RAB3IP: variants seen among roughly 807,000 people sequenced by gnomAD.
RAB3IP encodes the protein RAB3A interacting protein, also known as rab-3A-interacting protein.
A neutral mutation model predicts 59.1 loss-of-function variants in RAB3IP; 36 were observed. The ratio of observed to expected loss-of-function variants is 0.61; its 90% confidence interval spans 0.47 to 0.80. RAB3IP has a LOEUF of 0.80. RAB3IP is among the 30% of genes least tolerant of loss of function. RAB3IP has a pLI of 0.00. For missense variants in RAB3IP, 511 were observed against 536.0 expected (o/e 0.95, Z 0.46); for synonymous variants, 207 against 191.2 (o/e 1.08, Z -0.68).
At chr12:69,767,450 G>A (rs957366326) in intron 3 of RAB3IP, among the ~76,000 whole-genome samples, 2 of 152,346 alleles carry the variant, frequency 1.3e-5, no homozygotes, top group South Asian at 2.1e-4. Context: ...TGGTGAGAAC[G>A]ACTGGGCAAA....
intron 8 of RAB3IP, among the ~76,000 whole-genome samples, chr12:69,802,727 T>C (rs78217109): frequency 1.6e-3 from 250 of 152,330 alleles, no homozygotes; most frequent in African/African-American, 5.8e-3. Flanking sequence ...AATAGGTCTG[T>C]GTTAAAGCTG....
At chr12:69,750,561 T>C in intron 1 of RAB3IP, among the ~76,000 whole-genome samples, 1 of 151,486 alleles carries the variant, frequency 6.6e-6, no homozygotes, top group East Asian at 1.9e-4. Flanking sequence ...TTTTTTTTTT[T>C]TTACAGTTTA....
rs759501681 is a variant in RAB3IP at position 69,822,398 on chromosome 12, A to T, written c.*6952A>T. The T allele has an allele frequency of 1.3e-5, 2 of 152,120 alleles. No homozygotes were observed. Among genetic ancestry groups the T allele is most frequent in the Non-Finnish European group, 2.9e-5 (2 of 68,058 alleles). The allele number at this position is 152,120 out of a possible 1,614,324, so 9.4% of individuals were successfully genotyped here. A position where few individuals can be genotyped will look rare whatever the true frequency, so the allele number is the denominator to read the frequency against. On this transcript the variant is annotated 3_prime_UTR_variant, in exon 11 of 11. Transcript: ENST00000247833. ...TCTCTGAGTTAAATGGGATTGTATC[A>T]TGCCCCACACCCAAGCAGATAGAAA...
chr12:69,792,789 C>G (rs1876846130), intron 4 of RAB3IP, among the ~76,000 whole-genome samples: 1 of 152,170 alleles, frequency 6.6e-6, no homozygotes, highest in South Asian at 2.1e-4. Context: ...TCACATTACT[C>G]TAAGTTTACT....
intron 8 of RAB3IP, among the ~76,000 whole-genome samples, chr12:69,807,198 G>A (rs57610564): frequency 0.62 from 90,637 of 145,242 alleles, 28,530 homozygotes; most frequent in Non-Finnish European, 0.68. Flanking sequence ...ATCCCAGACA[G>A]TGGGCGGCCA....
rs1024247720 is a variant in RAB3IP, at chr12:69,743,759, C to T, written c.-26+4728C>T. The stretch of plus-strand genomic sequence containing the variant: ...TCAATTTCTCCAGTTTTGATACTCT[C>T]GCAAAGTATTTACTGTTTCATTTCT... On this transcript the variant is annotated intron_variant, in intron 1 of 10. Coordinates refer to ENST00000247833, the MANE Select transcript of RAB3IP (RefSeq NM_022456.5). Among the ~76,000 whole-genome samples, 6 of 151,874 alleles carry T rather than the reference C, an allele frequency of 4.0e-5. No homozygotes were observed. The South Asian group carries it at 1.0e-3, about 26-fold the overall frequency.
rs188114185 is a variant in RAB3IP at position 69,772,165 on chromosome 12, A to G, written c.511-12555A>G. 4.0e-3 allele frequency among the ~76,000 whole-genome samples: 614 copies of G among 152,238 alleles called. 5 individuals carry two copies. Among genetic ancestry groups the G allele is most frequent in the African/African-American group, 0.014 (585 of 41,546 alleles). On this transcript the variant is annotated intron_variant, in intron 3 of 10. Coordinates refer to ENST00000247833, the MANE Select transcript of RAB3IP (RefSeq NM_022456.5). ...TTATTGGCCCCCTTATCATTACATAATACTCTTGTTTCTTCTTACAATTTT... is the reference window on the plus strand; with the variant it reads ...TTATTGGCCCCCTTATCATTACATAGTACTCTTGTTTCTTCTTACAATTTT...
intron 3 of RAB3IP, among the ~76,000 whole-genome samples, chr12:69,760,135 C>T (rs556602258): frequency 4.3e-4 from 66 of 152,366 alleles, no homozygotes; most frequent in East Asian, 9.7e-4. Flanking sequence ...CCCGGCACCT[C>T]GGGAGGCCGA....
Position 69,795,297 on chromosome 12 carries a change from C to T in RAB3IP, c.841C>T (p.His281Tyr). The change falls in exon 6 of 11, where the codon CAT becomes TAT. Residue 281 changes from histidine to tyrosine, a missense_variant. Coordinates refer to ENST00000247833, the MANE Select transcript of RAB3IP (RefSeq NM_022456.5). ...KSTSSAMSGS[H>Y]QDLSVIQPIV... The stretch of plus-strand genomic sequence containing the variant: ...CACAAGCAGTGCTATGAGTGGCAGT[C>T]ATCAGGACCTCAGTGTGATACAGCC... 6.2e-7 allele frequency: 1 copy of T among 1,614,070 alleles called. No individual in the cohort carries two copies. Among genetic ancestry groups the T allele is most frequent in the Non-Finnish European group, 8.5e-7 (1 of 1,179,976 alleles).
chr12:69,810,372 C>G (rs1473381185), intron 8 of RAB3IP, among the ~76,000 whole-genome samples: 3 of 152,192 alleles, frequency 2.0e-5, no homozygotes, highest in Non-Finnish European at 4.4e-5. Flanking sequence ...GGCAGTCTGC[C>G]TGTTCTCAGA....
intron 3 of RAB3IP, among the ~76,000 whole-genome samples, chr12:69,779,544 C>CTT (rs544814718): frequency 1.4e-5 from 2 of 147,698 alleles, no homozygotes; most frequent in Non-Finnish European, 3.0e-5. Context: ...CCTCTTTAGT[C>CTT]TTTTTTTTTT....
At chr12:69,813,861 T>C (rs1472676040) in intron 10 of RAB3IP, among the ~76,000 whole-genome samples, 1 of 151,896 alleles carries the variant, frequency 6.6e-6, no homozygotes, top group Non-Finnish European at 1.5e-5. Flanking sequence ...GCAGTGAATC[T>C]TAATTCTATG....
At chr12:69,773,505 C>T (rs974643136) in intron 3 of RAB3IP, among the ~76,000 whole-genome samples, 10 of 133,432 alleles carry the variant, frequency 7.5e-5, no homozygotes, top group African/African-American at 2.8e-4. Context: ...TGGTGTGCTG[C>T]ACCCACTAAT....
intron 8 of RAB3IP, among the ~76,000 whole-genome samples, chr12:69,805,342 A>G (rs1187647118): frequency 2.6e-5 from 4 of 152,040 alleles, no homozygotes; most frequent in African/African-American, 7.2e-5. Flanking sequence ...TTGTACATTG[A>G]TTTTGTATCC....
intron 1 of RAB3IP, among the ~76,000 whole-genome samples, chr12:69,744,691 CAA>C (rs11302589): frequency 0.29 from 38,049 of 130,150 alleles, 5,180 homozygotes; most frequent in Middle Eastern, 0.38. Flanking sequence ...GACTGCATCT[CAA>C]AAAAAAAAAA....
rs779128440 is a variant in RAB3IP, at chr12:69,812,778, A to G, written c.1131A>G (p.Lys377=). The stretch of plus-strand genomic sequence containing the variant: ...ACTGAAATTTATCATTATTTCACAG[A>G]AAATGTGCTCTCACTGGCCAGAGTA... ...KASAVECGGP[K]KCALTGQSKS... Residue 377 remains lysine, a splice_region_variant and synonymous_variant, in exon 9 of 11, where the codon AAA becomes AAG. Coordinates refer to ENST00000247833, the MANE Select transcript of RAB3IP (RefSeq NM_022456.5). 2.5e-6 allele frequency: 4 copies of G among 1,593,568 alleles called. No individual in the cohort carries two copies. Among genetic ancestry groups the G allele is most frequent in the Non-Finnish European group, 3.4e-6 (4 of 1,169,164 alleles).
At chr12:69,769,637 G>A (rs984905474) in intron 3 of RAB3IP, among the ~76,000 whole-genome samples, 5 of 152,178 alleles carry the variant, frequency 3.3e-5, no homozygotes, top group Non-Finnish European at 7.3e-5. Flanking sequence ...CCATCATGGG[G>A]AAGCAGAAAA....
chr12:69,779,547 T>C (rs1874279006), intron 3 of RAB3IP, among the ~76,000 whole-genome samples: 1 of 152,094 alleles, frequency 6.6e-6, no homozygotes, highest in South Asian at 2.1e-4. Context: ...CTTTAGTCTT[T>C]TTTTTTTTCT....
intron 3 of RAB3IP, among the ~76,000 whole-genome samples, chr12:69,772,672 A>G (rs1416798369): frequency 6.6e-6 from 1 of 152,196 alleles, no homozygotes; most frequent in East Asian, 1.9e-4. Flanking sequence ...AAGAAAGAAA[A>G]CGTACACTGT....
Sources: gnomAD v4.1 joint callset for allele counts (sites outside exome capture counted in the v4.1 genomes callset) on GRCh38, gnomAD v4.1.1 for gene constraint, MANE v1.5 for transcripts, NCBI Gene and HGNC (gene_info 2026-07-23, HGNC 2026-07-21) for gene names.